AFF2: variants seen among roughly 807,000 people sequenced by gnomAD.
The protein encoded by AFF2 is ALF transcription elongation factor 2.
A neutral mutation model predicts 76.9 loss-of-function variants in AFF2; 14 were observed. That is an observed-to-expected ratio of 0.18 (90% CI 0.12 to 0.28). The LOEUF (loss-of-function observed/expected upper bound fraction) is 0.28, where lower values mean the gene tolerates loss of function less well. Among genes scored for constraint, AFF2 ranks in the 10% least tolerant of loss-of-function variants. The pLI is 1.00. For missense variants in AFF2, 868 were observed against 1,001.1 expected (o/e 0.87, Z 1.79); for synonymous variants, 398 against 366.7 (o/e 1.09, Z -0.98).
At chrX:148,666,006 A>G (rs781975132) in intron 3 of AFF2, among the ~76,000 whole-genome samples, 1 of 112,136 alleles carries the variant, frequency 8.9e-6, no homozygotes, top group Non-Finnish European at 1.9e-5. Flanking sequence ...GCCAGAAAAC[A>G]GACAACATTC....
At chrX:148,700,985 G>GGAGAGAGA (rs34108020) in intron 3 of AFF2, among the ~76,000 whole-genome samples, 135 of 81,858 alleles carry the variant, frequency 1.6e-3, no homozygotes, top group Non-Finnish European at 1.7e-3. Flanking sequence ...AGGTATGATG[G>GGAGAGAGA]GAGAGAGAGA....
chrX:148,696,239 A>C (rs2054720402), intron 3 of AFF2, among the ~76,000 whole-genome samples: 1 of 109,184 alleles, frequency 9.2e-6, no homozygotes. Context: ...CATAGGTGGG[A>C]ATTGAACAAT....
chrX:148,973,329 G>T, intron 15 of AFF2, 142 bp from the exon 16 acceptor site: 8 of 728,487 alleles, frequency 1.1e-5, no homozygotes, highest in Non-Finnish European at 1.6e-5. Flanking sequence ...TCTCCCCAGG[G>T]GTGACAACTG....
At chrX:148,509,000 C>T in intron 1 of AFF2, among the ~76,000 whole-genome samples, 1 of 111,177 alleles carries the variant, frequency 9.0e-6, no homozygotes, top group East Asian at 2.8e-4. Context: ...GTCAGGAGCC[C>T]TTGTACCCTG....
At chrX:148,596,542 C>T (rs1050270564) in intron 1 of AFF2, among the ~76,000 whole-genome samples, 6 of 112,016 alleles carry the variant, frequency 5.4e-5, no homozygotes, top group Non-Finnish European at 7.5e-5. Context: ...CGACTATGTT[C>T]CCATCTCCTC....
chrX:148,642,049 G>A (rs1198018623), intron 1 of AFF2, among the ~76,000 whole-genome samples: 1 of 112,377 alleles, frequency 8.9e-6, no homozygotes, highest in Non-Finnish European at 1.9e-5. Context: ...CACCTTGTTA[G>A]GGCAAGAGGG....
intron 3 of AFF2, among the ~76,000 whole-genome samples, chrX:148,700,130 C>T (rs1349829687): frequency 9.0e-6 from 1 of 110,909 alleles, no homozygotes; most frequent in Non-Finnish European, 1.9e-5. Context: ...TGGCAATTAC[C>T]AGGGTCATTT....
At chrX:148,919,057 G>T (rs981672084) in intron 9 of AFF2, among the ~76,000 whole-genome samples, 1 of 111,917 alleles carries the variant, frequency 8.9e-6, no homozygotes, top group Non-Finnish European at 1.9e-5. Flanking sequence ...AGACATTAAT[G>T]TAGAAAGCCA....
rs1420228224 is a variant in AFF2 at position 148,993,488 on chromosome X, T to G, written c.*2156T>G. 1 of 112,133 alleles carries G rather than the reference T, an allele frequency of 8.9e-6. No homozygotes were observed. The highest frequency in any genetic ancestry group is 1.9e-5 in the Non-Finnish European group (1 of 53,221). The allele number at this position is 112,133 out of a possible 1,213,427, so 9.2% of individuals were successfully genotyped here. ...TAATGAAGCCCACTGGCTTGACTTG[T>G]AAGTTCAACCTAAACCACAATCCTA... On this transcript the variant is annotated 3_prime_UTR_variant, in exon 21 of 21. Coordinates refer to ENST00000370460, the MANE Select transcript of AFF2 (RefSeq NM_002025.4).
intron 1 of AFF2, among the ~76,000 whole-genome samples, chrX:148,633,343 G>A (rs1207114385): frequency 1.8e-5 from 2 of 111,450 alleles, no homozygotes; most frequent in Non-Finnish European, 3.8e-5. Flanking sequence ...TGGATGAAAC[G>A]TGGGACAGTT....
chrX:148,984,043 G>A (rs2072433032), intron 19 of AFF2, among the ~76,000 whole-genome samples: 1 of 105,828 alleles, frequency 9.4e-6, no homozygotes, highest in Non-Finnish European at 1.9e-5. Context: ...GTTGTGGGAA[G>A]TGTCATGGAG....
At chrX:148,574,985 T>A (rs201432742) in intron 1 of AFF2, among the ~76,000 whole-genome samples, 2,290 of 86,167 alleles carry the variant, frequency 0.027, 16 homozygotes, top group African/African-American at 0.032. Flanking sequence ...TGTGTGTGTG[T>A]GAGAGAGAGA....
At chrX:148,654,607 A>G (rs5980380) in intron 2 of AFF2, among the ~76,000 whole-genome samples, 21,914 of 109,654 alleles carry the variant, frequency 0.2, 1,649 homozygotes, top group African/African-American at 0.23. Flanking sequence ...CAGGAGAGAA[A>G]GGTGAGGCTA....
chrX:148,660,583 A>G (rs1349661887), intron 2 of AFF2, among the ~76,000 whole-genome samples: 2 of 112,057 alleles, frequency 1.8e-5, no homozygotes, highest in Non-Finnish European at 3.8e-5. Flanking sequence ...TTAAACAACT[A>G]TCTTCAGCAG....
intron 8 of AFF2, among the ~76,000 whole-genome samples, chrX:148,892,766 CT>C (rs1557279913): frequency 2.7e-5 from 3 of 112,150 alleles, no homozygotes; most frequent in African/African-American, 9.7e-5. Context: ...ATACTCTTCC[CT>C]GCTGTAATCG....
At chrX:148,519,974 A>G (rs2052577423) in intron 1 of AFF2, among the ~76,000 whole-genome samples, 1 of 112,541 alleles carries the variant, frequency 8.9e-6, no homozygotes, top group African/African-American at 3.2e-5. Flanking sequence ...TTGTGCATTT[A>G]AAAGTAAAAT....
At chrX:148,887,349 A>AT (rs1557279213) in intron 8 of AFF2, among the ~76,000 whole-genome samples, 3 of 112,191 alleles carry the variant, frequency 2.7e-5, no homozygotes, top group African/African-American at 9.7e-5. Context: ...TAATACGCCA[A>AT]TAGCAGGAGC....
At chrX:148,957,472 C>T (rs1324080725) in intron 11 of AFF2, among the ~76,000 whole-genome samples, 3 of 111,042 alleles carry the variant, frequency 2.7e-5, no homozygotes, top group Non-Finnish European at 5.7e-5. Flanking sequence ...GATATTCTCT[C>T]GGAGTTGCAT....
At chrX:148,973,081 T>C (rs1447765974) in intron 15 of AFF2, among the ~76,000 whole-genome samples, 2 of 101,422 alleles carry the variant, frequency 2.0e-5, no homozygotes, top group East Asian at 6.5e-4. Context: ...GATCAGATAG[T>C]TGTAGATATG....
Sources: allele counts gnomAD v4.1 joint callset (sites outside exome capture counted in the v4.1 genomes callset), GRCh38; gene constraint gnomAD v4.1.1; transcripts MANE v1.5; gene names NCBI Gene and HGNC (gene_info 2026-07-23, HGNC 2026-07-21).